ARHGAP26: variants seen among roughly 807,000 people sequenced by gnomAD.
ARHGAP26 encodes the protein Rho GTPase activating protein 26.
A neutral mutation model predicts 104.8 loss-of-function variants in ARHGAP26; 38 were observed. The observed-to-expected ratio is 0.36, with a 90% CI of 0.28 to 0.48. The LOEUF (loss-of-function observed/expected upper bound fraction) is 0.48, where lower values mean the gene tolerates loss of function less well. Ranked by LOEUF, ARHGAP26 falls within the 20% of genes least tolerant of loss-of-function variation. ARHGAP26 has a pLI of 0.99. For missense variants in ARHGAP26, 704 were observed against 947.9 expected (o/e 0.74, Z 3.38); for synonymous variants, 341 against 340.0 (o/e 1.00, Z -0.03).
chr5:143,050,162 C>G (rs533829671), intron 14 of ARHGAP26, among the ~76,000 whole-genome samples: 34 of 152,320 alleles, frequency 2.2e-4, no homozygotes, highest in African/African-American at 8.2e-4. Flanking sequence ...GGATTTTCCT[C>G]AGGCCTTCAT....
At chr5:143,123,943 G>A (rs1796424203) in intron 18 of ARHGAP26, among the ~76,000 whole-genome samples, 1 of 151,548 alleles carries the variant, frequency 6.6e-6, no homozygotes, top group Non-Finnish European at 1.5e-5. Context: ...CTTAGACTTG[G>A]CTTTAATTTT....
chr5:142,848,323 A>T (rs1337625850), intron 1 of ARHGAP26, among the ~76,000 whole-genome samples: 4 of 152,194 alleles, frequency 2.6e-5, no homozygotes, highest in African/African-American at 9.7e-5. Flanking sequence ...AGATTACAGG[A>T]CTGGGTGGCC....
intron 1 of ARHGAP26, among the ~76,000 whole-genome samples, chr5:142,833,075 G>A (rs1768821318): frequency 1.3e-5 from 2 of 151,612 alleles, no homozygotes; most frequent in Admixed American, 1.3e-4. Context: ...TTGTTTTTGA[G>A]GTGGAGTTTC....
chr5:143,134,235 T>C, intron 19 of ARHGAP26, 130 bp downstream of exon 19: 1 of 1,118,476 alleles, frequency 8.9e-7, no homozygotes, highest in East Asian at 2.7e-5. Context: ...GACTGTATCA[T>C]TGTGCCCTCC....
chr5:142,965,849 T>C (rs550071689), intron 11 of ARHGAP26, among the ~76,000 whole-genome samples: 4 of 152,184 alleles, frequency 2.6e-5, no homozygotes, highest in Non-Finnish European at 4.4e-5. Flanking sequence ...AGTGATTTTG[T>C]TGGTCTCGTG....
chr5:142,864,403 G>C (rs1040689149), intron 1 of ARHGAP26, among the ~76,000 whole-genome samples: 12 of 152,190 alleles, frequency 7.9e-5, no homozygotes, highest in Admixed American at 6.5e-4. Flanking sequence ...AGTTCGTTTA[G>C]TTAAAAATTG....
At chr5:142,965,595 G>A (rs939667911) in intron 11 of ARHGAP26, among the ~76,000 whole-genome samples, 3 of 152,208 alleles carry the variant, frequency 2.0e-5, no homozygotes, top group Non-Finnish European at 4.4e-5. Flanking sequence ...ATTATAGAGC[G>A]AGGATTATTA....
At chr5:143,054,403 T>A (rs201899144) in intron 14 of ARHGAP26, 36 bp from the exon 15 acceptor site, 2 of 1,478,858 alleles carry the variant, frequency 1.4e-6, no homozygotes, top group Admixed American at 3.8e-5. Flanking sequence ...TTCCATTTTA[T>A]GCTGTGCTTT....
chr5:142,809,155 T>C (rs969072906), intron 1 of ARHGAP26, among the ~76,000 whole-genome samples: 4 of 152,278 alleles, frequency 2.6e-5, no homozygotes, highest in African/African-American at 9.6e-5. Flanking sequence ...AATGGAACTC[T>C]ATAAAATGTG....
At chr5:142,887,374 C>T (rs1268110358) in intron 5 of ARHGAP26, among the ~76,000 whole-genome samples, 1 of 152,196 alleles carries the variant, frequency 6.6e-6, no homozygotes, top group Non-Finnish European at 1.5e-5. Flanking sequence ...TTGTTAAATA[C>T]TCATGAAATA....
At chr5:143,016,590 C>T (rs571727147) in intron 12 of ARHGAP26, among the ~76,000 whole-genome samples, 1 of 151,780 alleles carries the variant, frequency 6.6e-6, no homozygotes, top group Non-Finnish European at 1.5e-5. Context: ...GTAATGCCAG[C>T]TACTCAGGAA....
At chr5:143,040,239 C>T (rs1783257896) in intron 13 of ARHGAP26, among the ~76,000 whole-genome samples, 1 of 152,212 alleles carries the variant, frequency 6.6e-6, no homozygotes. Context: ...ACCAGGGACT[C>T]CTAGTCCGTG....
intron 11 of ARHGAP26, among the ~76,000 whole-genome samples, chr5:142,957,752 C>T (rs2152644503): frequency 6.6e-6 from 1 of 152,354 alleles, no homozygotes; most frequent in Admixed American, 6.5e-5. Flanking sequence ...CAGAGTTCAG[C>T]TTAAGTACAG....
At chr5:142,855,105 C>T (rs1039838626) in intron 1 of ARHGAP26, among the ~76,000 whole-genome samples, 2 of 152,038 alleles carry the variant, frequency 1.3e-5, no homozygotes, top group Non-Finnish European at 2.9e-5. Context: ...ATGATACAAC[C>T]TGGCAGCGGT....
At chr5:143,128,566 G>C (rs1796973798) in intron 18 of ARHGAP26, among the ~76,000 whole-genome samples, 1 of 152,174 alleles carries the variant, frequency 6.6e-6, no homozygotes, top group Non-Finnish European at 1.5e-5. Context: ...CTTCTTAACA[G>C]TTACAATACA....
intron 17 of ARHGAP26, among the ~76,000 whole-genome samples, chr5:143,061,609 A>G (rs1786720843): frequency 6.6e-6 from 1 of 152,206 alleles, no homozygotes; most frequent in South Asian, 2.1e-4. Flanking sequence ...GAGATATGGT[A>G]TCATTTAGGA....
intron 18 of ARHGAP26, among the ~76,000 whole-genome samples, chr5:143,127,573 G>C (rs1437865245): frequency 1.3e-5 from 2 of 152,146 alleles, no homozygotes; most frequent in Non-Finnish European, 2.9e-5. Flanking sequence ...AATCATGGAT[G>C]ACCCCCACTT....
intron 21 of ARHGAP26, among the ~76,000 whole-genome samples, chr5:143,212,050 A>G (rs1463615491): frequency 6.6e-6 from 1 of 152,182 alleles, no homozygotes; most frequent in African/African-American, 2.4e-5. Flanking sequence ...TAGTGAGGTT[A>G]ATAAATAATG....
chr5:143,201,058 T>C (rs569881010), intron 20 of ARHGAP26, among the ~76,000 whole-genome samples: 2 of 152,388 alleles, frequency 1.3e-5, no homozygotes, highest in Admixed American at 1.3e-4. Context: ...TAAACCGTTA[T>C]TCTTTCACTG....
Sources: allele counts gnomAD v4.1 joint callset (sites outside exome capture counted in the v4.1 genomes callset), GRCh38; gene constraint gnomAD v4.1.1; transcripts MANE v1.5; gene names NCBI Gene and HGNC (gene_info 2026-07-23, HGNC 2026-07-21).